The following FAM110B variants were observed in gnomAD, a reference collection of about 807,000 sequenced individuals.
The protein encoded by FAM110B is protein FAM110B.
FAM110B carries 6 observed loss-of-function variants against 20.4 expected under a neutral mutation model. The observed-to-expected ratio is 0.29, with a 90% CI of 0.16 to 0.58. The LOEUF (loss-of-function observed/expected upper bound fraction) is 0.58, where lower values mean the gene tolerates loss of function less well. Among genes scored for constraint, FAM110B ranks in the 20% least tolerant of loss-of-function variants. The pLI is 0.90. For synonymous variants in FAM110B, 226 were observed against 214.1 expected, an observed-to-expected ratio of 1.06 and a Z score of -0.49; for missense variants, 434 against 498.2, an observed-to-expected ratio of 0.87 and a Z score of 1.23.
At chr8:58,084,609 C>T (rs576531792) in intron 3 of FAM110B, among the ~76,000 whole-genome samples, 17 of 152,204 alleles carry the variant, frequency 1.1e-4, no homozygotes, top group South Asian at 1.0e-3. Flanking sequence ...AGGATGGTCT[C>T]GATCTCTTGA....
Position 58,147,241 on chromosome 8 carries a change from C to T in FAM110B, c.1011C>T (p.Arg337=), listed in dbSNP as rs571042146. ...DLRNDDSAND[R]VPYGISAIER... The stretch of plus-strand genomic sequence containing the variant: ...GAAATGATGACAGTGCCAATGACCG[C>T]GTGCCGTATGGCATTTCTGCCATCG... Residue 337 remains arginine, a synonymous_variant, in exon 4 of 4, where the codon CGC becomes CGT. Coordinates refer to ENST00000519262, the MANE Select transcript of FAM110B (RefSeq NM_001377989.1). The T allele has an allele frequency of 2.2e-5, 35 of 1,614,052 alleles. 1 individual carries two copies. In the South Asian group the frequency reaches 3.0e-4, roughly 14 times the overall value.
chr8:58,021,438 A>G (rs1488108866), intron 1 of FAM110B, among the ~76,000 whole-genome samples: 1 of 152,180 alleles, frequency 6.6e-6, no homozygotes, highest in Admixed American at 6.5e-5. Context: ...CTGCCCAATC[A>G]CATGTAAGCC....
intron 3 of FAM110B, among the ~76,000 whole-genome samples, chr8:58,129,585 A>C (rs1276081106): frequency 1.3e-5 from 2 of 152,210 alleles, no homozygotes; most frequent in Admixed American, 1.3e-4. Context: ...GGCACTGTAC[A>C]CATTCTGTAC....
At chr8:58,024,848 AAG>A (rs1384655940) in intron 1 of FAM110B, among the ~76,000 whole-genome samples, 2 of 152,212 alleles carry the variant, frequency 1.3e-5, no homozygotes, top group Non-Finnish European at 2.9e-5. Context: ...CAGAATGCCA[AAG>A]AGAGTATATT....
At chr8:58,105,153 T>C (rs2150614402) in intron 3 of FAM110B, among the ~76,000 whole-genome samples, 1 of 152,236 alleles carries the variant, frequency 6.6e-6, no homozygotes, top group Non-Finnish European at 1.5e-5. Context: ...TTTTGCCATT[T>C]TCCTGAAATT....
At chr8:58,105,250 T>C (rs940549831) in intron 3 of FAM110B, among the ~76,000 whole-genome samples, 13 of 152,148 alleles carry the variant, frequency 8.5e-5, no homozygotes, top group African/African-American at 3.1e-4. Flanking sequence ...CCACTCAATA[T>C]CAGGGTGCAC....
At chr8:58,012,851 T>A (rs1033161680) in intron 1 of FAM110B, among the ~76,000 whole-genome samples, 7 of 152,184 alleles carry the variant, frequency 4.6e-5, no homozygotes, top group Admixed American at 3.9e-4. Flanking sequence ...TCTAAATGGC[T>A]CCAGAGCTTG....
rs571810052 is a variant in FAM110B, at chr8:58,092,757, C to T, written c.-325+17134C>T. ...AATGATTTATAATCTTTTGGGTATACACCCAGTAATGGGATTGCCGGGTCA... is the reference window on the plus strand; with the variant it reads ...AATGATTTATAATCTTTTGGGTATATACCCAGTAATGGGATTGCCGGGTCA... On this transcript the variant is annotated intron_variant, in intron 3 of 3. Coordinates refer to ENST00000519262, the MANE Select transcript of FAM110B (RefSeq NM_001377989.1). Among the ~76,000 whole-genome samples, 15 of 152,250 alleles carry T rather than the reference C, an allele frequency of 9.9e-5. No homozygotes were observed. The South Asian group carries it at 3.1e-3, about 32-fold the overall frequency.
chr8:58,147,585 C>T lies in FAM110B; in HGVS notation c.*242C>T. ...AGGCCAGAATCTAATTAGGGCTTTG[C>T]TCGTAAGCAAAACTGTTTACATGAA... On this transcript the variant is annotated 3_prime_UTR_variant, in exon 4 of 4. Transcript: ENST00000519262. 1.9e-6 allele frequency: 1 copy of T among 527,082 alleles called. No homozygotes were observed. Among genetic ancestry groups the T allele is most frequent in the South Asian group, 2.9e-5 (1 of 33,992 alleles). The allele number at this position is 527,082 out of a possible 1,614,324, so 32.7% of individuals were successfully genotyped here.
At chr8:58,082,067 C>T (rs1215862603) in intron 3 of FAM110B, among the ~76,000 whole-genome samples, 1 of 152,166 alleles carries the variant, frequency 6.6e-6, no homozygotes, top group East Asian at 1.9e-4. Flanking sequence ...CTCTTCTGTA[C>T]AGGGAGCTGC....
intron 3 of FAM110B, among the ~76,000 whole-genome samples, chr8:58,089,180 C>A (rs1379107670): frequency 6.6e-6 from 1 of 152,158 alleles, no homozygotes; most frequent in African/African-American, 2.4e-5. Flanking sequence ...GTATATGGAT[C>A]ATAAAGTATT....
intron 3 of FAM110B, among the ~76,000 whole-genome samples, chr8:58,108,293 T>G (rs1806970648): frequency 6.6e-6 from 1 of 152,216 alleles, no homozygotes; most frequent in African/African-American, 2.4e-5. Context: ...AAATTCTGGT[T>G]GTTTTTATTT....
At chr8:58,094,844 C>T (rs1806578820) in intron 3 of FAM110B, among the ~76,000 whole-genome samples, 3 of 152,092 alleles carry the variant, frequency 2.0e-5, no homozygotes. Flanking sequence ...CTCTTTGTAG[C>T]TCTGGTAGAA....
intron 2 of FAM110B, among the ~76,000 whole-genome samples, chr8:58,054,023 A>G (rs1219967374): frequency 6.6e-6 from 1 of 152,246 alleles, no homozygotes; most frequent in Non-Finnish European, 1.5e-5. Flanking sequence ...AGTGAGATGC[A>G]TAAACAACCA....
At chr8:58,112,278 A>G (rs1260220199) in intron 3 of FAM110B, among the ~76,000 whole-genome samples, 2 of 152,178 alleles carry the variant, frequency 1.3e-5, no homozygotes, top group African/African-American at 4.8e-5. Flanking sequence ...GCAGTGAGCC[A>G]AGATTGAGCC....
chr8:58,094,745 A>G (rs985353109), intron 3 of FAM110B, among the ~76,000 whole-genome samples: 13 of 152,278 alleles, frequency 8.5e-5, no homozygotes, highest in African/African-American at 2.9e-4. Flanking sequence ...TTTTGGTATG[A>G]GGATGATGCT....
chr8:58,073,270 G>A (rs902683027), intron 2 of FAM110B, among the ~76,000 whole-genome samples: 9 of 152,284 alleles, frequency 5.9e-5, no homozygotes, highest in African/African-American at 1.9e-4. Flanking sequence ...AGGGCTGCAC[G>A]AGGCAGACAG....
At chr8:58,062,421 C>G (rs768067235) in intron 2 of FAM110B, among the ~76,000 whole-genome samples, 14 of 152,184 alleles carry the variant, frequency 9.2e-5, no homozygotes, top group Non-Finnish European at 2.1e-4. Context: ...GTTAAACAGA[C>G]TCCATTTGCA....
chr8:58,026,017 A>G (rs933373637), intron 1 of FAM110B, among the ~76,000 whole-genome samples: 1 of 152,212 alleles, frequency 6.6e-6, no homozygotes, highest in Non-Finnish European at 1.5e-5. Context: ...GCAACACTAT[A>G]CAAGATTCTG....
Sources: allele counts gnomAD v4.1 joint callset (sites outside exome capture counted in the v4.1 genomes callset), GRCh38; gene constraint gnomAD v4.1.1; transcripts MANE v1.5; gene names NCBI Gene and HGNC (gene_info 2026-07-23, HGNC 2026-07-21).